Variants in SCRG1 observed in about 807,000 individuals in gnomAD.
SCRG1 encodes the protein scrapie-responsive protein 1.
Under a neutral mutation model 7.7 loss-of-function variants are expected in SCRG1, and 3 were observed. The observed-to-expected ratio is 0.39, with a 90% CI of 0.18 to 1.01. The LOEUF is 1.01. Among genes scored for constraint, SCRG1 ranks in the 50% least tolerant of loss-of-function variants. The probability of loss-of-function intolerance (pLI) is 0.36; values close to 1 mark genes in which losing one functional copy is unlikely to be tolerated. For synonymous variants in SCRG1, 46 were observed against 41.2 expected (o/e 1.12, Z -0.44); for missense variants, 110 against 117.2 (o/e 0.94, Z 0.28).
the SCRG1 span, among the ~76,000 whole-genome samples, chr4:173,427,836 T>C: frequency 6.1e-3 from 927 of 152,338 alleles, 8 homozygotes; most frequent in African/African-American, 0.021. Context: ...GAGTTAAGTA[T>C]GGTAACTTAT....
Position 173,386,272 on chromosome 4 carries a change from C to G in SCRG1, c.*2069G>C, listed in dbSNP as rs531037509. On this transcript the variant is annotated 3_prime_UTR_variant, in exon 3 of 3. Transcript: ENST00000296506. ...GCCTCAGCCTCCCAAATAGCTGGGA[C>G]TAGAGGCGCCTGCCACCACGCCCAG... 52 of 152,126 alleles carry G rather than the reference C, an allele frequency of 3.4e-4. No homozygotes were observed. Among genetic ancestry groups the G allele is most frequent in the South Asian group, 8.4e-4 (4 of 4,772 alleles). 9.4% of individuals were successfully genotyped at this position (152,126 alleles called of 1,614,324 possible). A position where few individuals can be genotyped will look rare whatever the true frequency, so the allele number is the denominator to read the frequency against.
At chr4:173,507,763 C>T in the SCRG1 span, among the ~76,000 whole-genome samples, 3 of 152,204 alleles carry the variant, frequency 2.0e-5, no homozygotes, top group African/African-American at 7.2e-5. This position sits in a 1 kb window ranked among gnomAD's most constrained non-coding sequence, Gnocchi z 4.4. Flanking sequence ...ACAGACCCTC[C>T]GGAGCAGTTG....
chr4:173,515,453 CCTGGA>C, the SCRG1 span, among the ~76,000 whole-genome samples: 2 of 151,594 alleles, frequency 1.3e-5, no homozygotes, highest in African/African-American at 4.8e-5. The surrounding 1 kb of genome is among the most constrained non-coding windows in gnomAD (Gnocchi z 4.6). Context: ...TCAGGCCTGG[CCTGGA>C]GTGGGAATAT....
chr4:173,475,258 C>T, the SCRG1 span, among the ~76,000 whole-genome samples: 1 of 152,190 alleles, frequency 6.6e-6, no homozygotes, highest in Non-Finnish European at 1.5e-5. Context: ...TGTTTCCACC[C>T]CTTAGGGGAC....
chr4:173,476,364 AT>A, the SCRG1 span, among the ~76,000 whole-genome samples: 180 of 34,512 alleles, frequency 5.2e-3, 6 homozygotes, highest in African/African-American at 0.018. Context: ...GAAAAAAAAA[AT>A]ATATATATAT....
the SCRG1 span, among the ~76,000 whole-genome samples, chr4:173,478,838 C>T: frequency 5.3e-5 from 8 of 152,124 alleles, no homozygotes; most frequent in East Asian, 1.9e-4. Flanking sequence ...AGAAAACGAA[C>T]GGACACAGAC....
chr4:173,462,493 CT>C, the SCRG1 span, among the ~76,000 whole-genome samples: 9 of 152,222 alleles, frequency 5.9e-5, no homozygotes, highest in South Asian at 1.9e-3. Flanking sequence ...GAAATAAAGA[CT>C]TTCCCAGACA....
chr4:173,417,215 A>C, the SCRG1 span, among the ~76,000 whole-genome samples: 2 of 152,162 alleles, frequency 1.3e-5, no homozygotes, highest in African/African-American at 4.8e-5. Flanking sequence ...CCTGGTGTTA[A>C]AACTAAACAG....
the SCRG1 span, among the ~76,000 whole-genome samples, chr4:173,499,935 T>C: frequency 6.6e-6 from 1 of 152,254 alleles, no homozygotes; most frequent in South Asian, 2.1e-4. The surrounding 1 kb of genome is among the most constrained non-coding windows in gnomAD (Gnocchi z 4.1). Flanking sequence ...TTTTTCTGAA[T>C]GTAAAGGCAT....
chr4:173,467,364 A>G, the SCRG1 span, among the ~76,000 whole-genome samples: 1 of 152,178 alleles, frequency 6.6e-6, no homozygotes, highest in South Asian at 2.1e-4. Flanking sequence ...TGATTAGCCA[A>G]TGCACTAGAT....
chr4:173,449,658 A>G, the SCRG1 span, among the ~76,000 whole-genome samples: 27 of 152,342 alleles, frequency 1.8e-4, no homozygotes, highest in African/African-American at 6.5e-4. Context: ...CCCCCATGCC[A>G]AAGCAAGCCA....
the SCRG1 span, among the ~76,000 whole-genome samples, chr4:173,512,756 G>A: frequency 6.6e-6 from 1 of 152,164 alleles, no homozygotes; most frequent in Non-Finnish European, 1.5e-5. Context: ...CTCCTATGTG[G>A]AGGAGAGTCA....
At chr4:173,482,848 A>T in the SCRG1 span, among the ~76,000 whole-genome samples, 3 of 145,058 alleles carry the variant, frequency 2.1e-5, no homozygotes, top group East Asian at 5.9e-4. Context: ...ACATACACAC[A>T]CTATATTATA....
the SCRG1 span, among the ~76,000 whole-genome samples, chr4:173,461,904 G>T: frequency 3.3e-5 from 5 of 151,864 alleles, no homozygotes; most frequent in Admixed American, 3.3e-4. Context: ...AGAAATTCTG[G>T]AGCCAAAAAA....
the SCRG1 span, among the ~76,000 whole-genome samples, chr4:173,441,254 C>A: frequency 3.3e-5 from 5 of 152,188 alleles, no homozygotes; most frequent in Non-Finnish European, 1.5e-5. Flanking sequence ...CTTCTACACA[C>A]AAAATTTTAT....
the SCRG1 span, among the ~76,000 whole-genome samples, chr4:173,433,341 G>A: frequency 0.28 from 42,882 of 152,046 alleles, 6,293 homozygotes; most frequent in South Asian, 0.47. Flanking sequence ...ACTCCAAATT[G>A]TAAAGATAGT....
At chr4:173,486,963 C>T in the SCRG1 span, among the ~76,000 whole-genome samples, 6 of 152,100 alleles carry the variant, frequency 3.9e-5, no homozygotes, top group East Asian at 3.8e-4. Flanking sequence ...ACTTCCTCTC[C>T]GTCTCCCTTC....
the SCRG1 span, among the ~76,000 whole-genome samples, chr4:173,416,293 C>A: frequency 6.6e-6 from 1 of 152,266 alleles, no homozygotes; most frequent in Non-Finnish European, 1.5e-5. Flanking sequence ...TCCCAACGCA[C>A]GGCTCAGACG....
the SCRG1 span, among the ~76,000 whole-genome samples, chr4:173,493,822 C>G: frequency 3.3e-3 from 508 of 152,196 alleles, 1 homozygote; most frequent in African/African-American, 7.0e-3. Flanking sequence ...GCAGCAGCAG[C>G]ACATGTGGAT....
Sources: allele counts gnomAD v4.1 joint callset (sites outside exome capture counted in the v4.1 genomes callset), GRCh38; gene constraint gnomAD v4.1.1; non-coding constraint Gnocchi (gnomAD v3.1); transcripts MANE v1.5; gene names NCBI Gene and HGNC (gene_info 2026-07-23, HGNC 2026-07-21).